Variants in AP3S2 observed in about 807,000 individuals in gnomAD.
AP3S2 encodes AP-3 complex subunit sigma-2.
AP3S2 carries 22 observed loss-of-function variants against 23.4 expected under a neutral mutation model. The observed-to-expected ratio is 0.94, with a 90% CI of 0.67 to 1.34. The LOEUF is 1.34. Among genes scored for constraint, AP3S2 ranks in the 40% most tolerant of loss-of-function variants. The probability of loss-of-function intolerance (pLI) is 0.00; values close to 1 mark genes in which losing one functional copy is unlikely to be tolerated. For missense variants in AP3S2, 241 were observed against 236.9 expected, an observed-to-expected ratio of 1.02 and a Z score of -0.11; for synonymous variants, 86 against 87.1, an observed-to-expected ratio of 0.99 and a Z score of 0.07.
intron 4 of AP3S2, among the ~76,000 whole-genome samples, chr15:89,839,217 T>C (rs866015867): frequency 1.3e-5 from 2 of 152,214 alleles, no homozygotes; most frequent in Admixed American, 1.3e-4. Flanking sequence ...TGTGTCTGCA[T>C]ATCTGGGCAC....
chr15:89,878,817 G>T (rs2141890566), intron 3 of AP3S2, among the ~76,000 whole-genome samples: 1 of 152,286 alleles, frequency 6.6e-6, no homozygotes, highest in South Asian at 2.1e-4. Flanking sequence ...CATGATCTCG[G>T]CTCGCTGCAA....
rs147413577 is a variant in AP3S2 at position 89,885,225 on chromosome 15, C to T, written c.273+3296G>A. On this transcript the variant is annotated intron_variant, in intron 3 of 5. Coordinates refer to ENST00000336418, the MANE Select transcript of AP3S2 (RefSeq NM_005829.5). Reference sequence around the variant, plus strand: ...TGTTTTTTTTTTTGAGATAGAGTCTCGCTCTATTGCCCAGGCTGGAGTGTA... The same window carrying T: ...TGTTTTTTTTTTTGAGATAGAGTCTTGCTCTATTGCCCAGGCTGGAGTGTA... Among the ~76,000 whole-genome samples, 1,285 of 151,356 alleles carry T rather than the reference C, an allele frequency of 8.5e-3. 17 individuals are homozygous for T. Among genetic ancestry groups the T allele is most frequent in the African/African-American group, 0.03 (1,221 of 41,254 alleles).
At position 89,835,559 on chromosome 15, in the gene AP3S2, C is replaced by A. The variant is rs988885917; in HGVS notation, c.538G>T (p.Gly180Cys). 4.3e-6 allele frequency: 7 copies of A among 1,613,946 alleles called. No homozygotes were observed. The highest frequency in any genetic ancestry group is 5.9e-6 in the Non-Finnish European group (7 of 1,180,020). Residue 180 changes from glycine (G) to cysteine (C), a missense_variant, in exon 6 of 6, where the codon GGC (glycine) becomes TGC (cysteine). Physicochemically the swap from Gly to Cys is radical, Grantham distance 159 (BLOSUM62 -3). Coordinates refer to ENST00000336418, the MANE Select transcript of AP3S2 (RefSeq NM_005829.5). Reference sequence around the variant, plus strand: ...TTGGGAACTTTGATGTTGAGATCGCCAATGTTGATGTTCCGAGGAATCTCT... The same window carrying A: ...TTGGGAACTTTGATGTTGAGATCGCAAATGTTGATGTTCCGAGGAATCTCT... ...LPEIPRNINI[G>C]DLNIKVPNLS...
At chr15:89,891,535 T>C (rs2141906351) in intron 1 of AP3S2, among the ~76,000 whole-genome samples, 2 of 151,972 alleles carry the variant, frequency 1.3e-5, no homozygotes, top group Middle Eastern at 6.8e-3. Flanking sequence ...CGTGGGCACC[T>C]GTAATCCTAG....
chr15:89,869,817 G>T (rs907667573), intron 4 of AP3S2, among the ~76,000 whole-genome samples: 2 of 151,526 alleles, frequency 1.3e-5, no homozygotes, highest in Non-Finnish European at 2.9e-5. Flanking sequence ...GCAGTGGCGC[G>T]ACCTCGGCTC....
intron 4 of AP3S2, among the ~76,000 whole-genome samples, chr15:89,871,076 T>C (rs1157124190): frequency 6.6e-6 from 1 of 152,202 alleles, no homozygotes; most frequent in Non-Finnish European, 1.5e-5. Flanking sequence ...AATTTTACTA[T>C]CTAAGTCAAA....
chr15:89,889,039 G>A lies in AP3S2; in HGVS notation c.161+10C>T. ...GATATATGGGGAGAAAAATGAAGCTGACAGTTTACCTTCCACCCTCCAAGA... is the reference window on the plus strand; with the variant it reads ...GATATATGGGGAGAAAAATGAAGCTAACAGTTTACCTTCCACCCTCCAAGA... On this transcript the variant is annotated intron_variant, in intron 2 of 5. Transcript: ENST00000336418. 6.2e-7 allele frequency: 1 copy of A among 1,614,102 alleles called. No homozygotes were observed. The highest frequency in any genetic ancestry group is 8.5e-7 in the Non-Finnish European group (1 of 1,180,004).
intron 4 of AP3S2, chr15:89,850,643 A>T (rs1021941300): frequency 6.5e-6 from 1 of 153,588 alleles, no homozygotes; most frequent in Non-Finnish European, 1.5e-5. Context: ...AACAAGTTGA[A>T]TGTTTCAGTG....
intron 4 of AP3S2, among the ~76,000 whole-genome samples, chr15:89,861,780 G>C (rs1896014047): frequency 6.6e-6 from 1 of 151,990 alleles, no homozygotes; most frequent in African/African-American, 2.4e-5. Flanking sequence ...GTCTAACCAA[G>C]CAGGGAAAAC....
intron 3 of AP3S2, among the ~76,000 whole-genome samples, chr15:89,887,632 G>A (rs1371902531): frequency 6.6e-6 from 1 of 151,398 alleles, no homozygotes; most frequent in Non-Finnish European, 1.5e-5. Context: ...AAAATGCTGA[G>A]ATTACAGGCA....
chr15:89,844,263 CTTTCTT>C (rs1179980341), intron 4 of AP3S2, among the ~76,000 whole-genome samples: 559 of 16,350 alleles, frequency 0.034, 4 homozygotes, highest in African/African-American at 0.079. Context: ...TTCTTTCTTT[CTTTCTT>C]TCTCTCTCTC....
rs17818934 is a variant in AP3S2, at chr15:89,831,965, C to G, written c.*3550G>C. 1 of 152,206 alleles carries G rather than the reference C, an allele frequency of 6.6e-6. No homozygotes were observed. Among genetic ancestry groups the G allele is most frequent in the Non-Finnish European group, 1.5e-5 (1 of 68,052 alleles). The allele number at this position is 152,206 out of a possible 1,614,324, so 9.4% of individuals were successfully genotyped here. On this transcript the variant is annotated 3_prime_UTR_variant, in exon 6 of 6. Transcript: ENST00000336418. ...TCTCCACAAATTCAGGCTGCCAGTCCGATGCACTATATCCCAACAATCTGA... is the reference window on the plus strand; with the variant it reads ...TCTCCACAAATTCAGGCTGCCAGTCGGATGCACTATATCCCAACAATCTGA...
Position 89,835,544 on chromosome 15 carries a change from T to G in AP3S2, c.553A>C (p.Lys185Gln). The change falls in exon 6 of 6, where the codon AAA becomes CAA. Residue 185 changes from lysine to glutamine, a missense_variant. By Grantham distance (53) the Lys-to-Gln change is moderately conservative (BLOSUM62 1). Coordinates refer to ENST00000336418, the MANE Select transcript of AP3S2 (RefSeq NM_005829.5). ...RNINIGDLNIKVPNLSQFV is the reference protein window; with the variant it reads ...RNINIGDLNIQVPNLSQFV ...ACAAACTGGGACAGGTTGGGAACTT[T>G]GATGTTGAGATCGCCAATGTTGATG... 2 of 1,613,894 alleles carry G rather than the reference T, an allele frequency of 1.2e-6. No homozygotes were observed. The highest frequency in any genetic ancestry group is 2.2e-5 in the South Asian group (2 of 91,070).
At chr15:89,847,967 G>A (rs1322250852) in intron 4 of AP3S2, among the ~76,000 whole-genome samples, 1 of 152,150 alleles carries the variant, frequency 6.6e-6, no homozygotes, top group Non-Finnish European at 1.5e-5. Flanking sequence ...TATTGGGATG[G>A]CAGGATTCCA....
intron 1 of AP3S2, chr15:89,889,465 G>A (rs1400997381): frequency 8.4e-6 from 2 of 237,820 alleles, no homozygotes; most frequent in Non-Finnish European, 1.7e-5. Context: ...ATAACTGGAA[G>A]GCCTGATCCT....
At chr15:89,853,070 A>T (rs541746826) in intron 4 of AP3S2, among the ~76,000 whole-genome samples, 1 of 152,308 alleles carries the variant, frequency 6.6e-6, no homozygotes, top group African/African-American at 2.4e-5. Flanking sequence ...TCAATCACTC[A>T]GTGTCACTGA....
chr15:89,848,182 T>G lies in AP3S2; in HGVS notation c.346-10460A>C, dbSNP rs1228608994. On this transcript the variant is annotated intron_variant, in intron 4 of 5. Coordinates refer to ENST00000336418, the MANE Select transcript of AP3S2 (RefSeq NM_005829.5). ...GGCTCACATTCCTACTGTGGAGTCT[T>G]TCTCAAAATAACTGTGTTATACATA... Among the ~76,000 whole-genome samples the G allele has an allele frequency of 5.3e-5, 8 of 152,322 alleles. No homozygotes were observed. The South Asian group carries it at 1.7e-3, about 32-fold the overall frequency.
At chr15:89,872,753 T>C (rs968786836) in intron 3 of AP3S2, among the ~76,000 whole-genome samples, 1 of 152,170 alleles carries the variant, frequency 6.6e-6, no homozygotes, top group Non-Finnish European at 1.5e-5. Context: ...ACGCACACTA[T>C]TGGAGCTGAT....
intron 3 of AP3S2, among the ~76,000 whole-genome samples, chr15:89,879,141 A>G (rs916553772): frequency 1.5e-4 from 23 of 152,270 alleles, no homozygotes; most frequent in Non-Finnish European, 1.9e-4. Context: ...GGCCTCCCAA[A>G]GTATTGGTAT....
Sources: gnomAD v4.1 joint callset for allele counts (sites outside exome capture counted in the v4.1 genomes callset) on GRCh38, gnomAD v4.1.1 for gene constraint, MANE v1.5 for transcripts, NCBI Gene and HGNC (gene_info 2026-07-23, HGNC 2026-07-21) for gene names.